Variants in EXOC6B observed in about 807,000 individuals in gnomAD.
The protein encoded by EXOC6B is exocyst complex component 6B, also known as SEC15 homolog B.
EXOC6B carries 54 observed loss-of-function variants against 113.5 expected under a neutral mutation model. That is an observed-to-expected ratio of 0.48 (90% CI 0.38 to 0.60). The LOEUF (loss-of-function observed/expected upper bound fraction) is 0.60, where lower values mean the gene tolerates loss of function less well. Among genes scored for constraint, EXOC6B ranks in the 20% least tolerant of loss-of-function variants. EXOC6B has a pLI of 0.00. For synonymous variants in EXOC6B, 357 were observed against 339.0 expected, an observed-to-expected ratio of 1.05 and a Z score of -0.58; for missense variants, 797 against 977.5, an observed-to-expected ratio of 0.82 and a Z score of 2.46.
intron 20 of EXOC6B, among the ~76,000 whole-genome samples, chr2:72,243,091 A>G (rs1441923393): frequency 1.3e-5 from 2 of 152,160 alleles, no homozygotes; most frequent in African/African-American, 4.8e-5. Context: ...CTATAAGGAC[A>G]TACCCGAGAC....
chr2:72,783,186 GTT>G (rs200092186), intron 1 of EXOC6B, among the ~76,000 whole-genome samples: 1 of 142,930 alleles, frequency 7.0e-6, no homozygotes, highest in Admixed American at 7.0e-5. Flanking sequence ...GTTTGTTGGG[GTT>G]TTTTTTTTTT....
intron 6 of EXOC6B, among the ~76,000 whole-genome samples, chr2:72,667,336 AACT>A (rs1317640143): frequency 1.3e-5 from 2 of 152,262 alleles, no homozygotes; most frequent in Non-Finnish European, 1.5e-5. Flanking sequence ...ATTCCTATCA[AACT>A]ACTAACATCA....
At chr2:72,555,888 C>T (rs1329528948) in intron 8 of EXOC6B, among the ~76,000 whole-genome samples, 1 of 152,162 alleles carries the variant, frequency 6.6e-6, no homozygotes, top group Non-Finnish European at 1.5e-5. Flanking sequence ...TCAAGCAATC[C>T]ACCTGTCTCA....
intron 6 of EXOC6B, among the ~76,000 whole-genome samples, chr2:72,578,525 A>G (rs1261852604): frequency 6.6e-6 from 1 of 152,000 alleles, no homozygotes; most frequent in African/African-American, 2.4e-5. Flanking sequence ...CCCAAGTACA[A>G]TTCTTCTTCC....
intron 1 of EXOC6B, among the ~76,000 whole-genome samples, chr2:72,816,079 A>G (rs946061614): frequency 1.3e-5 from 2 of 152,196 alleles, no homozygotes; most frequent in Non-Finnish European, 2.9e-5. Flanking sequence ...GAATCGCTTG[A>G]GCCCGGGAGG....
intron 20 of EXOC6B, among the ~76,000 whole-genome samples, chr2:72,309,225 T>C (rs1687058489): frequency 6.6e-6 from 1 of 152,126 alleles, no homozygotes; most frequent in Non-Finnish European, 1.5e-5. Context: ...AAGAAACAGA[T>C]GAGAAGTAGA....
At chr2:72,544,221 A>G (rs1702777445) in intron 8 of EXOC6B, among the ~76,000 whole-genome samples, 1 of 152,190 alleles carries the variant, frequency 6.6e-6, no homozygotes, top group African/African-American at 2.4e-5. Context: ...ATTTCTTAAA[A>G]CTAAATTTCA....
At chr2:72,550,904 A>ATTTTTTT (rs1463200496) in intron 8 of EXOC6B, among the ~76,000 whole-genome samples, 2 of 149,642 alleles carry the variant, frequency 1.3e-5, no homozygotes, top group African/African-American at 4.9e-5. Context: ...GATAACTGCC[A>ATTTTTTT]TTTATTTTTT....
At chr2:72,258,514 C>T (rs1248890843) in intron 20 of EXOC6B, among the ~76,000 whole-genome samples, 3 of 151,318 alleles carry the variant, frequency 2.0e-5, no homozygotes, top group Admixed American at 6.6e-5. Flanking sequence ...AGGCATGAAC[C>T]ACCACTCCTG....
In EXOC6B at chr2:72,705,171, A is replaced by C. The variant is rs527582112; in HGVS notation, c.669+12932T>G. 1.9e-3 allele frequency among the ~76,000 whole-genome samples: 283 copies of C among 152,216 alleles called. 2 individuals carry two copies. Among genetic ancestry groups the C allele is most frequent in the African/African-American group, 5.8e-3 (239 of 41,536 alleles). ...CATCCCTGGGATGCAAGGCTGGTTC[A>C]ATATACGCAAATCAATAAATGTAAT... On this transcript the variant is annotated intron_variant, in intron 6 of 21. Coordinates refer to ENST00000272427, the MANE Select transcript of EXOC6B (RefSeq NM_015189.3).
At position 72,326,481 on chromosome 2, in the gene EXOC6B, T is replaced by C. The variant is rs1041354432; in HGVS notation, c.2196+8466A>G. The stretch of plus-strand genomic sequence containing the variant: ...GTGAGAGGATTGACAATGCTGTCTG[T>C]GGACTAAGGTAGCAATTGCTAGGTG... On this transcript the variant is annotated intron_variant, in intron 20 of 21. Transcript: ENST00000272427. Among the ~76,000 whole-genome samples, 5 of 152,156 alleles carry C rather than the reference T, an allele frequency of 3.3e-5. No homozygotes were observed. In the East Asian group the frequency reaches 9.7e-4, roughly 30 times the overall value.
At chr2:72,606,288 G>A (rs758589433) in intron 6 of EXOC6B, among the ~76,000 whole-genome samples, 59 of 151,648 alleles carry the variant, frequency 3.9e-4, no homozygotes, top group Non-Finnish European at 5.9e-4. Flanking sequence ...TAAGATAAAC[G>A]GATTTTTATA....
At chr2:72,540,836 C>A (rs548274940) in intron 8 of EXOC6B, among the ~76,000 whole-genome samples, 1 of 152,308 alleles carries the variant, frequency 6.6e-6, no homozygotes, top group South Asian at 2.1e-4. Context: ...ATGAGAGAGA[C>A]ACAATGGCCT....
chr2:72,556,497 C>T (rs1178244749), intron 8 of EXOC6B, among the ~76,000 whole-genome samples: 1 of 152,186 alleles, frequency 6.6e-6, no homozygotes, highest in African/African-American at 2.4e-5. Context: ...CTAGGACCCT[C>T]AGTTCTTTAG....
At chr2:72,569,880 G>C (rs1053374963) in intron 7 of EXOC6B, among the ~76,000 whole-genome samples, 23 of 152,072 alleles carry the variant, frequency 1.5e-4, no homozygotes, top group Non-Finnish European at 2.9e-5. Context: ...TAAGAAAAGG[G>C]ATGCTGAGAG....
chr2:72,562,614 A>G (rs67535553), intron 7 of EXOC6B, among the ~76,000 whole-genome samples: 31,941 of 152,040 alleles, frequency 0.21, 5,316 homozygotes, highest in African/African-American at 0.46. Flanking sequence ...TCCTTTCCAA[A>G]GAAAATAACA....
chr2:72,381,535 A>C (rs1465995980), intron 18 of EXOC6B, among the ~76,000 whole-genome samples: 1 of 152,194 alleles, frequency 6.6e-6, no homozygotes, highest in Non-Finnish European at 1.5e-5. Flanking sequence ...CAGGCTTTAA[A>C]GAGAAAAACC....
At chr2:72,650,421 G>A (rs1674075920) in intron 6 of EXOC6B, among the ~76,000 whole-genome samples, 1 of 152,090 alleles carries the variant, frequency 6.6e-6, no homozygotes, top group Non-Finnish European at 1.5e-5. Flanking sequence ...CTAACACGGG[G>A]AAACCCCGTC....
chr2:72,652,742 ATATC>A (rs1395452117), intron 6 of EXOC6B, among the ~76,000 whole-genome samples: 1 of 148,086 alleles, frequency 6.8e-6, no homozygotes, highest in Non-Finnish European at 1.5e-5. Flanking sequence ...ATTATACTCT[ATATC>A]TAATATATAA....
Sources: gnomAD v4.1 joint callset for allele counts (sites outside exome capture counted in the v4.1 genomes callset) on GRCh38, gnomAD v4.1.1 for gene constraint, MANE v1.5 for transcripts, NCBI Gene and HGNC (gene_info 2026-07-23, HGNC 2026-07-21) for gene names.